LRRC37A2: variants seen among roughly 807,000 people sequenced by gnomAD.
The protein encoded by LRRC37A2 is leucine-rich repeat-containing protein 37A2.
Under a neutral mutation model 68.8 loss-of-function variants are expected in LRRC37A2, and 9 were observed. That is an observed-to-expected ratio of 0.13 (90% CI 0.08 to 0.23). The LOEUF is 0.23. Ranked by LOEUF, LRRC37A2 falls within the 10% of genes least tolerant of loss-of-function variation. LRRC37A2 has a pLI of 1.00. For synonymous variants in LRRC37A2, 63 were observed against 367.6 expected (o/e 0.17, Z 9.48); for missense variants, 168 against 950.4 (o/e 0.18, Z 10.82).
chr17:46,816,395 T>G, the LRRC37A2 span, among the ~76,000 whole-genome samples: 2 of 151,056 alleles, frequency 1.3e-5, no homozygotes, highest in Non-Finnish European at 2.9e-5. Flanking sequence ...GTAGCCCAGT[T>G]GCAGGCACAA....
chr17:46,959,883 A>G, the LRRC37A2 span, among the ~76,000 whole-genome samples: 1 of 152,194 alleles, frequency 6.6e-6, no homozygotes, highest in Admixed American at 6.5e-5. Context: ...GAGCAGGAAG[A>G]CCGATTCATG....
the LRRC37A2 span, among the ~76,000 whole-genome samples, chr17:46,864,696 C>G: frequency 9.2e-5 from 14 of 152,116 alleles, no homozygotes; most frequent in Non-Finnish European, 7.4e-5. Flanking sequence ...CCCTGATGTG[C>G]TGGGTCTGCA....
At chr17:46,994,865 T>C in the LRRC37A2 span, among the ~76,000 whole-genome samples, 6 of 152,164 alleles carry the variant, frequency 3.9e-5, 1 homozygote, top group Admixed American at 2.6e-4. Flanking sequence ...CTCATTCCTG[T>C]AATCCCAGCA....
the LRRC37A2 span, chr17:46,886,540 T>C: frequency 6.6e-6 from 1 of 152,182 alleles, no homozygotes; most frequent in African/African-American, 2.4e-5. Context: ...CAGCTGAGCA[T>C]CTGTCAATGT....
chr17:46,721,290 C>T, the LRRC37A2 span, among the ~76,000 whole-genome samples: 12 of 152,154 alleles, frequency 7.9e-5, no homozygotes, highest in East Asian at 1.9e-4. Context: ...GTGGACATAA[C>T]GGGCTTCTGT....
the LRRC37A2 span, among the ~76,000 whole-genome samples, chr17:46,848,314 T>C: frequency 6.6e-6 from 1 of 152,206 alleles, no homozygotes; most frequent in Non-Finnish European, 1.5e-5. Flanking sequence ...TTTACATGTT[T>C]ACTGCCATAA....
chr17:46,503,758 T>G, the LRRC37A2 span, among the ~76,000 whole-genome samples: 6 of 84,612 alleles, frequency 7.1e-5, no homozygotes, highest in African/African-American at 1.5e-4. Flanking sequence ...AGGGGTAACT[T>G]GGGGTGGGGG....
At chr17:46,708,611 C>A in the LRRC37A2 span, among the ~76,000 whole-genome samples, 2 of 149,038 alleles carry the variant, frequency 1.3e-5, no homozygotes, top group African/African-American at 4.9e-5. Flanking sequence ...CCTGCCTCAG[C>A]CTCCCCAGTA....
chr17:46,754,242 A>T, the LRRC37A2 span, among the ~76,000 whole-genome samples: 1 of 149,102 alleles, frequency 6.7e-6, no homozygotes, highest in East Asian at 2.0e-4. Flanking sequence ...AGCTATTCAC[A>T]CTTTTTCTTA....
chr17:46,940,525 C>T, the LRRC37A2 span: 1 of 1,613,938 alleles, frequency 6.2e-7, no homozygotes, highest in South Asian at 1.1e-5. Context: ...GATTCTGAGA[C>T]TGCGACGGCA....
the LRRC37A2 span, among the ~76,000 whole-genome samples, chr17:46,966,154 G>T: frequency 6.6e-6 from 1 of 152,102 alleles, no homozygotes; most frequent in East Asian, 1.9e-4. Context: ...GTGATTGAGG[G>T]ATCACCACAG....
the LRRC37A2 span, among the ~76,000 whole-genome samples, chr17:46,777,588 C>T: frequency 1.3e-5 from 2 of 152,280 alleles, no homozygotes; most frequent in African/African-American, 2.4e-5. Context: ...GGATTTCCTT[C>T]TGTCCCCACA....
At chr17:46,949,243 C>G in the LRRC37A2 span, 1 of 152,240 alleles carries the variant, frequency 6.6e-6, no homozygotes, top group Non-Finnish European at 1.5e-5. Flanking sequence ...TCGCTGGGCA[C>G]ACAATGTCGC....
chr17:46,815,004 C>G, the LRRC37A2 span, among the ~76,000 whole-genome samples: 1 of 152,154 alleles, frequency 6.6e-6, no homozygotes, highest in Non-Finnish European at 1.5e-5. Context: ...CTGGGGACTC[C>G]TGGGTGAAGT....
At chr17:46,974,512 A>C in the LRRC37A2 span, among the ~76,000 whole-genome samples, 1 of 152,170 alleles carries the variant, frequency 6.6e-6, no homozygotes, top group African/African-American at 2.4e-5. Flanking sequence ...AGGCGGGTGG[A>C]TCACAAGGTC....
chr17:46,819,650 T>C, the LRRC37A2 span, among the ~76,000 whole-genome samples: 3 of 152,196 alleles, frequency 2.0e-5, no homozygotes, highest in Non-Finnish European at 4.4e-5. This position sits in a 1 kb window ranked among gnomAD's most constrained non-coding sequence, Gnocchi z 5.3. Flanking sequence ...CCGTCCCGCC[T>C]GAGGCCCCGG....
chr17:46,739,648 A>T, the LRRC37A2 span, among the ~76,000 whole-genome samples: 30 of 152,118 alleles, frequency 2.0e-4, no homozygotes, highest in East Asian at 5.8e-4. Context: ...ACTAAAAAAA[A>T]AAATAAATTT....
At chr17:47,022,014 G>T in the LRRC37A2 span, 2 of 1,178,462 alleles carry the variant, frequency 1.7e-6, no homozygotes, top group South Asian at 2.6e-5. Context: ...TCTGAGGAAA[G>T]ATATTTCTCC....
chr17:46,876,375 C>T, the LRRC37A2 span: 1,580 of 1,613,990 alleles, frequency 9.8e-4, 11 homozygotes, highest in African/African-American at 0.018. Flanking sequence ...CGCTATGACT[C>T]GGCTGTCAAG....
Sources: allele counts gnomAD v4.1 joint callset (sites outside exome capture counted in the v4.1 genomes callset), GRCh38; gene constraint gnomAD v4.1.1; non-coding constraint Gnocchi (gnomAD v3.1); transcripts MANE v1.5; gene names NCBI Gene and HGNC (gene_info 2026-07-23, HGNC 2026-07-21).